Variants in LYZL1 observed in about 807,000 individuals in gnomAD.
LYZL1 encodes lysozyme-like protein 1.
A neutral mutation model predicts 17.9 loss-of-function variants in LYZL1; 16 were observed. That is an observed-to-expected ratio of 0.90 (90% CI 0.61 to 1.36). The LOEUF (loss-of-function observed/expected upper bound fraction) is 1.36. LYZL1 is among the 40% of genes most tolerant of loss of function. The pLI, the probability that LYZL1 is intolerant of heterozygous loss-of-function variation, is 0.00. For synonymous variants in LYZL1, 58 were observed against 71.8 expected, an observed-to-expected ratio of 0.81 and a Z score of 0.97; for missense variants, 149 against 188.4, an observed-to-expected ratio of 0.79 and a Z score of 1.22.
chr10:29,312,131 C>T (rs542315702), downstream of LYZL1, among the ~76,000 whole-genome samples: 1 of 152,334 alleles, frequency 6.6e-6, no homozygotes, highest in South Asian at 2.1e-4. Context: ...AAGACCCTGT[C>T]TCTACAGCAT....
At chr10:29,307,787 C>T (rs11007519) in intron 3 of LYZL1, among the ~76,000 whole-genome samples, 15,336 of 152,114 alleles carry the variant, frequency 0.1, 1,029 homozygotes, top group African/African-American at 0.19. Context: ...GAGTAAACCA[C>T]TTTGTAAAGA....
intron 3 of LYZL1, among the ~76,000 whole-genome samples, chr10:29,293,286 T>C (rs2132815876): frequency 6.6e-6 from 1 of 152,056 alleles, no homozygotes; most frequent in Admixed American, 6.5e-5. Context: ...CCCGGCTATT[T>C]TGTAATTTTT....
chr10:29,307,941 C>T (rs61379662), intron 3 of LYZL1, among the ~76,000 whole-genome samples: 21 of 152,242 alleles, frequency 1.4e-4, no homozygotes, highest in East Asian at 1.3e-3. Context: ...TATACGCCCA[C>T]GAGCAAGTAT....
chr10:29,314,624 TAATTAAAA>T (rs1455143683), downstream of LYZL1, among the ~76,000 whole-genome samples: 2 of 152,114 alleles, frequency 1.3e-5, no homozygotes, highest in Non-Finnish European at 2.9e-5. Context: ...TTAAAAAAAT[TAATTAAAA>T]AATTTGATGT....
chr10:29,316,826 C>A (rs368913951), intron 3 of LYZL1, among the ~76,000 whole-genome samples: 1 of 151,734 alleles, frequency 6.6e-6, no homozygotes, highest in Non-Finnish European at 1.5e-5. Flanking sequence ...AAGTGAGCCT[C>A]CCTCCTCAGC....
At chr10:29,308,088 G>A (rs990101626) in intron 3 of LYZL1, among the ~76,000 whole-genome samples, 16 of 152,188 alleles carry the variant, frequency 1.1e-4, no homozygotes, top group African/African-American at 3.9e-4. Context: ...AGTGGTTTGA[G>A]TATTTTTGTC....
chr10:29,314,420 C>A (rs904216506), downstream of LYZL1, among the ~76,000 whole-genome samples: 4 of 152,122 alleles, frequency 2.6e-5, no homozygotes, highest in Non-Finnish European at 5.9e-5. Context: ...TTGAGACCAG[C>A]CTGGGCAACA....
intron 3 of LYZL1, among the ~76,000 whole-genome samples, chr10:29,305,615 A>G (rs1835578828): frequency 6.6e-6 from 1 of 152,260 alleles, no homozygotes; most frequent in African/African-American, 2.4e-5. Flanking sequence ...TATGTCAAGA[A>G]GATAGGCAGG....
chr10:29,299,058 T>C (rs1206606232), intron 3 of LYZL1, among the ~76,000 whole-genome samples: 1 of 152,126 alleles, frequency 6.6e-6, no homozygotes, highest in Admixed American at 6.5e-5. Context: ...AGGCATTAGG[T>C]TCTCATAAGG....
chr10:29,307,003 T>C (rs531494857), intron 3 of LYZL1, among the ~76,000 whole-genome samples: 1 of 152,236 alleles, frequency 6.6e-6, no homozygotes, highest in African/African-American at 2.4e-5. Flanking sequence ...TACAGGTGCA[T>C]GCCACCACGC....
intron 3 of LYZL1, among the ~76,000 whole-genome samples, chr10:29,307,689 A>T (rs1421537351): frequency 6.6e-6 from 1 of 152,236 alleles, no homozygotes; most frequent in Non-Finnish European, 1.5e-5. Context: ...TGTTTATTTT[A>T]TTAAATGAAG....
Position 29,311,016 on chromosome 10 carries a change from G to T in LYZL1, c.404G>T (p.Gly135Val), listed in dbSNP as rs1393048597. Residue 135 changes from glycine to valine, a missense_variant, in exon 5 of 5, where the codon GGC (glycine) becomes GTC (valine). Physicochemically the swap from Gly to Val is moderately radical, Grantham distance 109. Transcript: ENST00000649382. ...YWQGWKKHCE[G>V]RDLSEWKKGC... ...CAAGGCTGGAAGAAACATTGTGAGG[G>T]CAGAGACCTGTCCGAGTGGAAAAAA... is the stretch of plus-strand genomic sequence containing the variant. 6 of 1,614,056 alleles carry T rather than the reference G, an allele frequency of 3.7e-6. No individual in the cohort carries two copies. The highest frequency in any genetic ancestry group is 5.1e-6 in the Non-Finnish European group (6 of 1,180,034).
chr10:29,291,734 T>C, intron 1 of LYZL1, 109 bp from the exon 2 acceptor site: 2 of 1,323,630 alleles, frequency 1.5e-6, no homozygotes, highest in Non-Finnish European at 1.0e-6. Context: ...TGGCACTGAA[T>C]GACCAAAGTG....
chr10:29,317,639 A>G (rs1003656395), intron 4 of LYZL1, among the ~76,000 whole-genome samples: 9 of 152,188 alleles, frequency 5.9e-5, no homozygotes, highest in Non-Finnish European at 1.2e-4. Context: ...TGGTGGTGTG[A>G]GCACAGACAA....
At chr10:29,309,985 G>A in intron 3 of LYZL1, 125 bp from the exon 4 acceptor site, 1 of 648,488 alleles carries the variant, frequency 1.5e-6, no homozygotes, top group Non-Finnish European at 2.6e-6. Flanking sequence ...GGCTTTGCAG[G>A]CAAAATCATA....
chr10:29,301,157 A>T (rs1454580691), intron 3 of LYZL1, among the ~76,000 whole-genome samples: 1 of 152,136 alleles, frequency 6.6e-6, no homozygotes, highest in African/African-American at 2.4e-5. Flanking sequence ...CTTGATAGTG[A>T]ATGAGTCTCA....
intron 3 of LYZL1, among the ~76,000 whole-genome samples, chr10:29,295,686 C>T (rs1266942560): frequency 6.6e-6 from 1 of 152,150 alleles, no homozygotes; most frequent in Non-Finnish European, 1.5e-5. Flanking sequence ...CCAGTCTAAT[C>T]TCATGAGTCT....
intron 4 of LYZL1, 138 bp from the exon 5 acceptor site, chr10:29,310,852 T>A: frequency 1.6e-6 from 2 of 1,272,702 alleles, no homozygotes; most frequent in Non-Finnish European, 2.2e-6. Context: ...AAGGACAGCA[T>A]CCTTGAAGCT....
At chr10:29,313,352 G>A (rs891039032), downstream of LYZL1, among the ~76,000 whole-genome samples, 2 of 152,134 alleles carry the variant, frequency 1.3e-5, no homozygotes, top group African/African-American at 4.8e-5. Context: ...TGTCCTGTTA[G>A]TCATCTGCCT....
Sources: allele counts gnomAD v4.1 joint callset (sites outside exome capture counted in the v4.1 genomes callset), GRCh38; gene constraint gnomAD v4.1.1; transcripts MANE v1.5; gene names NCBI Gene and HGNC (gene_info 2026-07-23, HGNC 2026-07-21).